Variants in DNAI2 observed in about 807,000 individuals in gnomAD.
DNAI2 encodes dynein axonemal intermediate chain 2.
A neutral mutation model predicts 74.7 loss-of-function variants in DNAI2; 63 were observed. The ratio of observed to expected loss-of-function variants is 0.84; its 90% CI spans 0.69 to 1.04. The LOEUF is 1.04. DNAI2 is among the 50% of genes least tolerant of loss of function. DNAI2 has a pLI of 0.00. For missense variants in DNAI2, 688 were observed against 803.2 expected, an observed-to-expected ratio of 0.86 and a Z score of 1.73; for synonymous variants, 289 against 314.9, an observed-to-expected ratio of 0.92 and a Z score of 0.87.
In DNAI2 at chr17:74,281,803, C is replaced by G. The variant is rs754710939; in HGVS notation, c.-11-4C>G. On this transcript the variant is annotated splice_region_variant and splice_polypyrimidine_tract_variant and intron_variant, in intron 1 of 13. Transcript: ENST00000311014. ...TCACCCCACACCCTCCCTCTGCCCC[C>G]CAGCAGCCGGCACCATGGAGATTGT... 6.8e-6 allele frequency: 11 copies of G among 1,613,468 alleles called. No homozygotes were observed. Among genetic ancestry groups the G allele is most frequent in the Non-Finnish European group, 9.3e-6 (11 of 1,180,026 alleles).
chr17:74,297,149 G>A (rs554227167), intron 6 of DNAI2, among the ~76,000 whole-genome samples: 6 of 152,180 alleles, frequency 3.9e-5, no homozygotes, highest in Admixed American at 2.6e-4. Context: ...GCAATGTCAC[G>A]ATCTTGGCTC....
At position 74,309,339 on chromosome 17, in the gene DNAI2, A is replaced by G; in HGVS notation, c.1298A>G (p.Asp433Gly). The change falls in exon 10 of 14, where the codon GAT becomes GGT. Residue 433 changes from aspartate (D) to glycine (G), a missense_variant. Transcript: ENST00000311014. ...FFTTRMDGTLDIWDFMFEQCD... is the reference protein window; with the variant it reads ...FFTTRMDGTLGIWDFMFEQCD... ...ACCACCAGGATGGACGGAACCCTGG[A>G]TATCTGGGACTTCATGTTCGAGCAG... 2 of 1,614,102 alleles carry G rather than the reference A, an allele frequency of 1.2e-6. No homozygotes were observed. Among genetic ancestry groups the G allele is most frequent in the Non-Finnish European group, 1.7e-6 (2 of 1,180,026 alleles).
chr17:74,307,984 G>T (rs369284382), intron 9 of DNAI2, among the ~76,000 whole-genome samples: 2 of 152,102 alleles, frequency 1.3e-5, no homozygotes, highest in African/African-American at 4.8e-5. Flanking sequence ...TTTTAGTAGA[G>T]GCAGGGTTCT....
At chr17:74,290,696 G>A (rs1412599432) in intron 5 of DNAI2, among the ~76,000 whole-genome samples, 1 of 152,036 alleles carries the variant, frequency 6.6e-6, no homozygotes, top group East Asian at 1.9e-4. Context: ...GCAGAGAGTT[G>A]ACTTTGTGTA....
At chr17:74,312,959 G>A (rs1342271691) in intron 12 of DNAI2, among the ~76,000 whole-genome samples, 5 of 152,332 alleles carry the variant, frequency 3.3e-5, no homozygotes, top group East Asian at 3.9e-4. Context: ...AAGAAACAGC[G>A]GGTATATGCC....
intron 6 of DNAI2, among the ~76,000 whole-genome samples, chr17:74,298,114 A>T (rs1374053278): frequency 6.6e-6 from 1 of 151,526 alleles, no homozygotes; most frequent in African/African-American, 2.4e-5. Context: ...TGATTAATTC[A>T]AGAGCCTTGA....
Position 74,312,087 on chromosome 17 carries a change from G to A in DNAI2, c.1579G>A (p.Gly527Ser), listed in dbSNP as rs1010026867. Reference sequence around the variant, plus strand: ...GCTGAAGGAGAAGGGTAAGGCGGAGGGCAGGGATGAGGAGCAGACCGATGA... The same window carrying A: ...GCTGAAGGAGAAGGGTAAGGCGGAGAGCAGGGATGAGGAGCAGACCGATGA... ...MRLKEKGKAE[G>S]RDEEQTDEEL... Residue 527 changes from glycine (G) to serine (S), a missense_variant, in exon 12 of 14, where the codon GGC becomes AGC. Transcript: ENST00000311014. 6.2e-7 allele frequency: 1 copy of A among 1,613,362 alleles called. No individual in the cohort carries two copies. The highest frequency in any genetic ancestry group is 8.5e-7 in the Non-Finnish European group (1 of 1,179,922).
chr17:74,300,398 G>A lies in DNAI2; in HGVS notation c.864+541G>A, dbSNP rs969033754. ...GTCTGCCTTCAGAGCTAGTCTCTGC[G>A]TATGCAAGGAAACACACCTCTCTCT... On this transcript the variant is annotated intron_variant, in intron 7 of 13. Coordinates refer to ENST00000311014, the MANE Select transcript of DNAI2 (RefSeq NM_023036.6). This position sits in a 1 kb window ranked among gnomAD's most constrained non-coding sequence, Gnocchi z 4.5. 1.6e-4 allele frequency among the ~76,000 whole-genome samples: 24 copies of A among 152,238 alleles called. No individual in the cohort carries two copies. The South Asian group carries it at 4.1e-3, about 26-fold the overall frequency.
chr17:74,312,359 A>C, intron 12 of DNAI2, 129 bp downstream of exon 12: 1 of 704,698 alleles, frequency 1.4e-6, no homozygotes, highest in Non-Finnish European at 2.4e-6. Flanking sequence ...ATCTTAATTT[A>C]TTCACCTGGC....
At chr17:74,274,688 AAG>A (rs2050956245) in intron 1 of DNAI2, among the ~76,000 whole-genome samples, 1 of 151,888 alleles carries the variant, frequency 6.6e-6, no homozygotes, top group Non-Finnish European at 1.5e-5. Flanking sequence ...GAAAAAAAAG[AAG>A]AAAAACAGCC....
At chr17:74,281,682 T>A (rs753792011) in intron 1 of DNAI2, 125 bp from the exon 2 acceptor site, 1 of 874,740 alleles carries the variant, frequency 1.1e-6, no homozygotes, top group Admixed American at 2.3e-5. Flanking sequence ...TCCTAGGATC[T>A]CCCCACCACC....
At chr17:74,274,765 T>C (rs1239286988) in intron 1 of DNAI2, among the ~76,000 whole-genome samples, 1 of 152,186 alleles carries the variant, frequency 6.6e-6, no homozygotes, top group Non-Finnish European at 1.5e-5. Context: ...GATAGAGGGA[T>C]GTAAATTAAC....
intron 8 of DNAI2, among the ~76,000 whole-genome samples, chr17:74,301,736 G>A (rs1316811176): frequency 6.6e-6 from 1 of 151,326 alleles, no homozygotes; most frequent in Non-Finnish European, 1.5e-5. Context: ...CACTTTGGGA[G>A]GCCAAGAATT....
At chr17:74,312,253 G>A in intron 12 of DNAI2, 23 bp downstream of exon 12, 3 of 565,996 alleles carry the variant, frequency 5.3e-6, no homozygotes, top group Non-Finnish European at 1.1e-5. Context: ...ACAGGGGTTG[G>A]GTGGGTTGGG....
intron 8 of DNAI2, among the ~76,000 whole-genome samples, chr17:74,303,905 C>T (rs1017710706): frequency 6.6e-6 from 1 of 151,986 alleles, no homozygotes; most frequent in Non-Finnish European, 1.5e-5. Context: ...GTGTGCAGAT[C>T]ACTTGAGCTT....
intron 6 of DNAI2, among the ~76,000 whole-genome samples, chr17:74,292,632 G>C (rs187303882): frequency 1.3e-5 from 2 of 152,056 alleles, no homozygotes; most frequent in African/African-American, 2.4e-5. Flanking sequence ...GCCCAGGCTG[G>C]TCTTAAACTC....
At chr17:74,311,403 C>T (rs942106696) in intron 11 of DNAI2, among the ~76,000 whole-genome samples, 3 of 152,186 alleles carry the variant, frequency 2.0e-5, no homozygotes, top group Admixed American at 6.5e-5. Flanking sequence ...CACCTGAGGT[C>T]GGGAGTTCGA....
rs1465598154 is a variant in DNAI2, at chr17:74,287,041, A to C, written c.410A>C (p.Glu137Ala). The C allele has an allele frequency of 5.6e-6, 9 of 1,613,926 alleles. No individual in the cohort carries two copies. Among genetic ancestry groups the C allele is most frequent in the Non-Finnish European group, 7.6e-6 (9 of 1,179,854 alleles). ...ATCTATGAAGAGTATTTCAATGACGAGGAGGCCATGGAAGTGATGGAGGAG... is the reference window on the plus strand; with the variant it reads ...ATCTATGAAGAGTATTTCAATGACGCGGAGGCCATGGAAGTGATGGAGGAG... ...IDIYEEYFND[E>A]EAMEVMEEDP... The change falls in exon 4 of 14, where the codon GAG becomes GCG. Residue 137 changes from glutamate (E) to alanine (A), a missense_variant. Coordinates refer to ENST00000311014, the MANE Select transcript of DNAI2 (RefSeq NM_023036.6).
chr17:74,276,269 C>A (rs541820111), intron 1 of DNAI2, among the ~76,000 whole-genome samples: 2 of 152,186 alleles, frequency 1.3e-5, no homozygotes, highest in Non-Finnish European at 2.9e-5. Flanking sequence ...ATGCGGGAGA[C>A]GCCTGAATCT....
Sources: gnomAD v4.1 joint callset for allele counts (sites outside exome capture counted in the v4.1 genomes callset) on GRCh38, gnomAD v4.1.1 for gene constraint, Gnocchi (gnomAD v3.1) non-coding constraint, MANE v1.5 for transcripts, NCBI Gene and HGNC (gene_info 2026-07-23, HGNC 2026-07-21) for gene names.